The following DYNC1I1 variants were observed in gnomAD, a reference collection of about 807,000 sequenced individuals.
DYNC1I1 encodes the protein cytoplasmic dynein 1 intermediate chain 1.
DYNC1I1 carries 43 observed loss-of-function variants against 86.6 expected under a neutral mutation model. The observed-to-expected ratio is 0.50, with a 90% CI of 0.39 to 0.64. The LOEUF (loss-of-function observed/expected upper bound fraction) is 0.64. DYNC1I1 is among the 30% of genes least tolerant of loss of function. The pLI is 0.00. For missense variants in DYNC1I1, 604 were observed against 788.8 expected, an observed-to-expected ratio of 0.77 and a Z score of 2.81; for synonymous variants, 262 against 283.7, an observed-to-expected ratio of 0.92 and a Z score of 0.77.
intron 6 of DYNC1I1, among the ~76,000 whole-genome samples, chr7:95,954,841 G>A (rs562545934): frequency 0.013 from 1,918 of 149,898 alleles, 25 homozygotes; most frequent in Middle Eastern, 0.027. Flanking sequence ...GCGTGAACCC[G>A]GGAGGCGGAG....
Position 95,995,242 on chromosome 7 carries a change from A to G in DYNC1I1, c.844-706A>G, listed in dbSNP as rs573843138. On this transcript the variant is annotated intron_variant, in intron 9 of 16. Transcript: ENST00000447467. Reference sequence around the variant, plus strand: ...AGCCTGGGCAACAGAGCGAGACTCCATCTCAAAAAATAAATAAATAAATAA... The same window carrying G: ...AGCCTGGGCAACAGAGCGAGACTCCGTCTCAAAAAATAAATAAATAAATAA... Among the ~76,000 whole-genome samples the G allele has an allele frequency of 1.5e-3, 215 of 142,790 alleles. 1 individual carries two copies. Among genetic ancestry groups the G allele is most frequent in the Non-Finnish European group, 2.8e-3 (184 of 66,340 alleles). The allele number at this position is 142,790 out of a possible 152,430, so 93.7% of individuals were successfully genotyped here.
At chr7:95,940,223 C>G (rs1319266856) in intron 6 of DYNC1I1, among the ~76,000 whole-genome samples, 3 of 150,168 alleles carry the variant, frequency 2.0e-5, no homozygotes, top group Non-Finnish European at 4.4e-5. Context: ...CTCTGGCTGC[C>G]CTTAACATTT....
At chr7:96,098,655 T>C (rs6966540), downstream of DYNC1I1, among the ~76,000 whole-genome samples, 70,042 of 152,060 alleles carry the variant, frequency 0.46, 17,396 homozygotes, top group East Asian at 0.89. Flanking sequence ...AAGCCACCCT[T>C]GCCCAAAGAC....
chr7:96,082,669 C>G (rs989071814), intron 16 of DYNC1I1, among the ~76,000 whole-genome samples: 3 of 152,100 alleles, frequency 2.0e-5, no homozygotes, highest in African/African-American at 7.2e-5. Flanking sequence ...CACACTGTCT[C>G]TATGCAATAA....
chr7:96,106,553 G>A (rs774909766), intron 16 of DYNC1I1, among the ~76,000 whole-genome samples: 1 of 151,942 alleles, frequency 6.6e-6, no homozygotes, highest in Admixed American at 6.6e-5. Flanking sequence ...AGAAAAAAAA[G>A]AGAGAGAGAA....
intron 8 of DYNC1I1, 136 bp downstream of exon 8, chr7:95,985,113 A>G: frequency 8.3e-7 from 1 of 1,203,136 alleles, no homozygotes; most frequent in Non-Finnish European, 1.2e-6. Context: ...CTTGCTGAAC[A>G]GCTTTGACTA....
intron 5 of DYNC1I1, among the ~76,000 whole-genome samples, chr7:95,866,291 T>C (rs1245755696): frequency 6.6e-6 from 1 of 152,194 alleles, no homozygotes; most frequent in Non-Finnish European, 1.5e-5. Context: ...TACTTCTCAA[T>C]AATTCTTTCT....
chr7:95,983,102 G>A (rs868731893), intron 7 of DYNC1I1, among the ~76,000 whole-genome samples: 6 of 152,114 alleles, frequency 3.9e-5, no homozygotes, highest in East Asian at 1.9e-4. Flanking sequence ...GGTTGGTGTC[G>A]TAGAGTTCTT....
chr7:95,976,277 T>G (rs1030745320), intron 6 of DYNC1I1, among the ~76,000 whole-genome samples: 3 of 152,216 alleles, frequency 2.0e-5, no homozygotes, highest in African/African-American at 7.2e-5. Flanking sequence ...AAATTCATGT[T>G]TTCAAAATTC....
intron 5 of DYNC1I1, among the ~76,000 whole-genome samples, chr7:95,866,523 A>G (rs1265383614): frequency 6.6e-6 from 1 of 152,246 alleles, no homozygotes; most frequent in Non-Finnish European, 1.5e-5. Context: ...ATTTCTTAAC[A>G]TCACTTGAAC....
chr7:96,007,532 A>C (rs1794170117), intron 10 of DYNC1I1, among the ~76,000 whole-genome samples: 1 of 152,234 alleles, frequency 6.6e-6, no homozygotes, highest in Non-Finnish European at 1.5e-5. Flanking sequence ...TGACTAGTTC[A>C]TATCAATGAT....
At chr7:95,906,246 A>G (rs1239648116) in intron 6 of DYNC1I1, among the ~76,000 whole-genome samples, 1 of 152,150 alleles carries the variant, frequency 6.6e-6, no homozygotes, top group Non-Finnish European at 1.5e-5. Flanking sequence ...TTGCATTCTT[A>G]TTTCACCACT....
intron 5 of DYNC1I1, among the ~76,000 whole-genome samples, chr7:95,851,716 G>A (rs1217158594): frequency 6.6e-6 from 1 of 152,186 alleles, no homozygotes; most frequent in African/African-American, 2.4e-5. Flanking sequence ...CCAGGCTGGT[G>A]TGCAATGTCA....
At chr7:95,795,225 T>C (rs1236928293) in intron 1 of DYNC1I1, among the ~76,000 whole-genome samples, 1 of 151,966 alleles carries the variant, frequency 6.6e-6, no homozygotes, top group African/African-American at 2.4e-5. Context: ...ATTAGTAAAA[T>C]CTTGAATAAG....
intron 10 of DYNC1I1, among the ~76,000 whole-genome samples, chr7:96,015,320 T>A (rs1794374164): frequency 1.3e-5 from 2 of 152,174 alleles, no homozygotes; most frequent in South Asian, 4.1e-4. Flanking sequence ...CCATATAAAT[T>A]CAATGAAGAA....
chr7:95,962,257 C>T (rs1278755772), intron 6 of DYNC1I1, among the ~76,000 whole-genome samples: 1 of 152,184 alleles, frequency 6.6e-6, no homozygotes, highest in Non-Finnish European at 1.5e-5. Flanking sequence ...TCTGATGACC[C>T]ATAGCTTACA....
chr7:95,974,682 G>A (rs376552761), intron 6 of DYNC1I1, among the ~76,000 whole-genome samples: 1 of 152,164 alleles, frequency 6.6e-6, no homozygotes, highest in African/African-American at 2.4e-5. Context: ...AGGTCTCAAA[G>A]CAGTGGATTC....
chr7:95,969,021 G>A (rs1226115170), intron 6 of DYNC1I1, among the ~76,000 whole-genome samples: 1 of 152,212 alleles, frequency 6.6e-6, no homozygotes, highest in Non-Finnish European at 1.5e-5. Flanking sequence ...GGATGGCCCT[G>A]CTTACGAGAA....
At position 95,897,445 on chromosome 7, in the gene DYNC1I1, GAT is replaced by G. The variant is rs1491513307; in HGVS notation, c.490+27448_490+27449del. Among the ~76,000 whole-genome samples, 36 of 147,842 alleles carry G rather than the reference GAT, an allele frequency of 2.4e-4. No individual in the cohort carries two copies. The East Asian group carries it at 4.4e-3, about 18-fold the overall frequency. On this transcript the variant is annotated intron_variant, in intron 6 of 16. Transcript: ENST00000447467. ...TGTTGACTTGTCCTCTATTGACCAT[GAT>G]TTTTTTTTTTTGGCATTCTTTCCTG...
Sources: allele counts gnomAD v4.1 joint callset (sites outside exome capture counted in the v4.1 genomes callset), GRCh38; gene constraint gnomAD v4.1.1; transcripts MANE v1.5; gene names NCBI Gene and HGNC (gene_info 2026-07-23, HGNC 2026-07-21).